The following ARHGAP12 variants were observed in gnomAD, a reference collection of about 807,000 sequenced individuals.
The protein encoded by ARHGAP12 is Rho GTPase activating protein 12.
A neutral mutation model predicts 108.6 loss-of-function variants in ARHGAP12; 64 were observed. That is an observed-to-expected ratio of 0.59 (90% CI 0.48 to 0.73). ARHGAP12 has a LOEUF of 0.73. Ranked by LOEUF, ARHGAP12 falls within the 30% of genes least tolerant of loss-of-function variation. ARHGAP12 has a pLI of 0.00. For missense variants in ARHGAP12, 940 were observed against 1,005.9 expected, an observed-to-expected ratio of 0.93 and a Z score of 0.89; for synonymous variants, 312 against 337.2, an observed-to-expected ratio of 0.93 and a Z score of 0.82.
rs1003706296 is a variant in ARHGAP12, at chr10:31,805,713, A to G, written c.*1945T>C. The G allele has an allele frequency of 6.6e-6, 1 of 151,644 alleles. No individual in the cohort carries two copies. The allele number at this position is 151,644 out of a possible 1,614,324, so 9.4% of individuals were successfully genotyped here. On this transcript the variant is annotated 3_prime_UTR_variant, in exon 20 of 20. Transcript: ENST00000344936. ...ACCTTGAAACAAGAAACACAGGACA[A>G]TTTTAATCTTTGATATATGTTCATG...
At chr10:31,818,589 GA>G (rs1835295146) in intron 12 of ARHGAP12, among the ~76,000 whole-genome samples, 2 of 152,068 alleles carry the variant, frequency 1.3e-5, no homozygotes, top group Non-Finnish European at 2.9e-5. Flanking sequence ...ATTAAAAACT[GA>G]TTTTTTTTCC....
chr10:31,825,185 A>G (rs1835558485), intron 11 of ARHGAP12, among the ~76,000 whole-genome samples: 1 of 152,144 alleles, frequency 6.6e-6, no homozygotes. Flanking sequence ...TTTCCTCATC[A>G]GAGAAGCTGA....
At chr10:31,919,136 T>C (rs796451198) in intron 1 of ARHGAP12, among the ~76,000 whole-genome samples, 70 of 152,286 alleles carry the variant, frequency 4.6e-4, no homozygotes, top group African/African-American at 1.5e-3. Flanking sequence ...AGGGCAAACA[T>C]TATATGATTT....
At chr10:31,834,422 A>T (rs1034112041) in intron 9 of ARHGAP12, among the ~76,000 whole-genome samples, 2 of 152,176 alleles carry the variant, frequency 1.3e-5, no homozygotes, top group Non-Finnish European at 2.9e-5. Context: ...AGCAAAAAGG[A>T]ACCATCTATG....
intron 10 of ARHGAP12, 70 bp downstream of exon 10, chr10:31,831,666 AAAT>A: frequency 1.9e-6 from 2 of 1,041,306 alleles, no homozygotes; most frequent in Non-Finnish European, 2.8e-6. Context: ...GTTTATACTA[AAAT>A]AATTATATTG....
chr10:31,899,119 A>G (rs931752486), intron 3 of ARHGAP12, among the ~76,000 whole-genome samples: 4 of 152,240 alleles, frequency 2.6e-5, no homozygotes, highest in Non-Finnish European at 5.9e-5. Context: ...CCAGAATCGG[A>G]AAATCTATGG....
At chr10:31,915,664 C>T (rs944531190) in intron 1 of ARHGAP12, among the ~76,000 whole-genome samples, 2 of 152,054 alleles carry the variant, frequency 1.3e-5, no homozygotes, top group Middle Eastern at 3.4e-3. Context: ...CATTCCACTA[C>T]GTATATATAC....
At position 31,826,497 on chromosome 10, in the gene ARHGAP12, T is replaced by G. The variant is rs954631823; in HGVS notation, c.1449-112A>C. ...CAATGTTATCTACAATTTACAGCCT[T>G]GTTGACATTTTAATTGTTTTTATTG... is the stretch of plus-strand genomic sequence containing the variant. On this transcript the variant is annotated intron_variant, in intron 10 of 19. Transcript: ENST00000344936. 3 of 760,306 alleles carry G rather than the reference T, an allele frequency of 3.9e-6. No homozygotes were observed. In the African/African-American group the frequency reaches 5.3e-5, roughly 14 times the overall value. 47.1% of individuals were successfully genotyped at this position (760,306 alleles called of 1,614,324 possible). A position where few individuals can be genotyped will look rare whatever the true frequency, so the allele number is the denominator to read the frequency against.
In ARHGAP12 at chr10:31,809,092, T is replaced by C. The variant is rs1421534056; in HGVS notation, c.2165A>G (p.Asp722Gly). The change falls in exon 18 of 20, where the codon GAT (aspartate) becomes GGT (glycine). Residue 722 changes from aspartate to glycine, a missense_variant. Physicochemically the swap from Asp to Gly is moderately conservative, Grantham distance 94. Transcript: ENST00000344936. ...GAGGGCTCCAGTAATGACATGAATA[T>C]CTTCCCATTTACTGTCATTCAAGTC... ...KLDLNDSKWE[D>G]IHVITGALKM... is the part of the protein sequence containing the mutation. 1 of 1,613,576 alleles carries C rather than the reference T, an allele frequency of 6.2e-7. No individual in the cohort carries two copies. The highest frequency in any genetic ancestry group is 1.7e-5 in the Admixed American group (1 of 59,970).
chr10:31,846,158 T>A (rs1413788707), intron 6 of ARHGAP12, among the ~76,000 whole-genome samples: 1 of 152,190 alleles, frequency 6.6e-6, no homozygotes, highest in Non-Finnish European at 1.5e-5. Flanking sequence ...AAAAATTACA[T>A]CCCTTTACTC....
chr10:31,814,867 A>G (rs1835143676), intron 13 of ARHGAP12, among the ~76,000 whole-genome samples: 1 of 152,034 alleles, frequency 6.6e-6, no homozygotes, highest in African/African-American at 2.4e-5. Context: ...TAATCCCAGC[A>G]AAGACTTTGG....
chr10:31,814,350 A>G lies in ARHGAP12; in HGVS notation c.1743T>C (p.Thr581=). 2 of 1,612,398 alleles carry G rather than the reference A, an allele frequency of 1.2e-6. No homozygotes were observed. The highest frequency in any genetic ancestry group is 3.3e-4 in the Middle Eastern group (2 of 6,058). The change falls in exon 14 of 20, where the codon ACT becomes ACC. Residue 581 remains threonine (T), a synonymous_variant. Transcript: ENST00000344936. The part of the protein sequence containing the change: ...SSTINNQAVE[T]DEGIEEEIPD... Reference sequence around the variant, plus strand: ...GTATCTCCTCTTCAATTCCTTCATCAGTTTCTACTGCCTATTGGTTAGATA... The same window carrying G: ...GTATCTCCTCTTCAATTCCTTCATCGGTTTCTACTGCCTATTGGTTAGATA...
At chr10:31,855,979 T>C (rs1836872291) in intron 4 of ARHGAP12, among the ~76,000 whole-genome samples, 1 of 152,154 alleles carries the variant, frequency 6.6e-6, no homozygotes, top group Non-Finnish European at 1.5e-5. Flanking sequence ...AAGCATTCTA[T>C]AGATGTTAAC....
intron 16 of ARHGAP12, 28 bp downstream of exon 16, chr10:31,810,621 A>C: frequency 2.4e-6 from 3 of 1,272,802 alleles, no homozygotes; most frequent in Non-Finnish European, 3.2e-6. Context: ...CTTAATGTTA[A>C]AAAAAAAAAT....
chr10:31,922,657 A>C (rs568600691), intron 1 of ARHGAP12, among the ~76,000 whole-genome samples: 1 of 152,268 alleles, frequency 6.6e-6, no homozygotes, highest in South Asian at 2.1e-4. Flanking sequence ...AAATAAACAG[A>C]ATTTGTCTTT....
At chr10:31,827,400 T>C (rs979959074) in intron 10 of ARHGAP12, among the ~76,000 whole-genome samples, 41 of 152,210 alleles carry the variant, frequency 2.7e-4, no homozygotes, top group Admixed American at 2.6e-3. Flanking sequence ...TTACCCTATA[T>C]AAGGACACAG....
chr10:31,899,911 G>C (rs938886890), intron 3 of ARHGAP12, among the ~76,000 whole-genome samples: 2 of 152,146 alleles, frequency 1.3e-5, no homozygotes, highest in Non-Finnish European at 2.9e-5. Context: ...CTCTACAAAA[G>C]TCACTGTTAA....
At position 31,810,696 on chromosome 10, in the gene ARHGAP12, G is replaced by A; in HGVS notation, c.2003C>T (p.Thr668Ile). 1.2e-6 allele frequency: 2 copies of A among 1,608,490 alleles called. No individual in the cohort carries two copies. Among genetic ancestry groups the A allele is most frequent in the Non-Finnish European group, 1.7e-6 (2 of 1,177,684 alleles). ...ACATAACTTCACAAACTTTGGTACT[G>A]TGCCATTCTCTCTCTGACACAGATT... is the stretch of plus-strand genomic sequence containing the variant. ...LANLCQRENG[T>I]VPKFVKLCIE... is the part of the protein sequence containing the mutation. Residue 668 changes from threonine (T) to isoleucine (I), a missense_variant, in exon 16 of 20, where the codon ACA (threonine) becomes ATA (isoleucine). Coordinates refer to ENST00000344936, the MANE Select transcript of ARHGAP12 (RefSeq NM_018287.7).
At chr10:31,817,735 A>C in intron 13 of ARHGAP12, 53 bp downstream of exon 13, 1 of 1,285,220 alleles carries the variant, frequency 7.8e-7, no homozygotes, top group Non-Finnish European at 1.1e-6. Context: ...CAATTAAAAA[A>C]AAAAAAGAAA....
Sources: gnomAD v4.1 joint callset for allele counts (sites outside exome capture counted in the v4.1 genomes callset) on GRCh38, gnomAD v4.1.1 for gene constraint, MANE v1.5 for transcripts, NCBI Gene and HGNC (gene_info 2026-07-23, HGNC 2026-07-21) for gene names.